The following HIVEP2 variants were observed in gnomAD, a reference collection of about 807,000 sequenced individuals.
The protein encoded by HIVEP2 is HIVEP zinc finger 2.
HIVEP2 carries 14 observed loss-of-function variants against 180.7 expected under a neutral mutation model. The observed-to-expected ratio is 0.08, with a 90% CI of 0.05 to 0.12. The LOEUF (loss-of-function observed/expected upper bound fraction) is 0.12, where lower values mean the gene tolerates loss of function less well. Ranked by LOEUF, HIVEP2 falls within the 10% of genes least tolerant of loss-of-function variation. The probability of loss-of-function intolerance (pLI) is 1.00; values close to 1 mark genes in which losing one functional copy is unlikely to be tolerated. For missense variants in HIVEP2, 2,579 were observed against 3,008.5 expected (o/e 0.86, Z 3.34); for synonymous variants, 1,184 against 1,136.4 (o/e 1.04, Z -0.84).
chr6:142,920,860 G>A (rs965369479), intron 1 of HIVEP2, among the ~76,000 whole-genome samples: 3 of 152,124 alleles, frequency 2.0e-5, no homozygotes, highest in Admixed American at 6.6e-5. Context: ...GCACATGCCT[G>A]TAGTCCCAGC....
intron 3 of HIVEP2, among the ~76,000 whole-genome samples, chr6:142,781,988 C>T (rs887046594): frequency 6.6e-6 from 1 of 152,160 alleles, no homozygotes; most frequent in African/African-American, 2.4e-5. Context: ...TTAATCATTA[C>T]TTGAGTGGTG....
Position 142,827,979 on chromosome 6 carries a change from C to T in HIVEP2, c.-528+8956G>A, listed in dbSNP as rs562822458. On this transcript the variant is annotated intron_variant, in intron 2 of 9. Transcript: ENST00000367603. ...TAAGTAATAACCTTTAGAATGTTTT[C>T]ATCCTGTGTTTGCTGTGTTTTCAGC... is the stretch of plus-strand genomic sequence containing the variant. Among the ~76,000 whole-genome samples the T allele has an allele frequency of 4.6e-4, 70 of 152,304 alleles. No individual in the cohort carries two copies. In the South Asian group the frequency reaches 0.013, roughly 28 times the overall value.
chr6:142,891,045 G>T (rs2128420884), intron 1 of HIVEP2, among the ~76,000 whole-genome samples: 1 of 152,248 alleles, frequency 6.6e-6, no homozygotes, highest in South Asian at 2.1e-4. Context: ...TAAAGATAGG[G>T]TCTGCAGTTT....
At chr6:142,940,741 G>C (rs1778157306) in intron 1 of HIVEP2, among the ~76,000 whole-genome samples, 1 of 152,188 alleles carries the variant, frequency 6.6e-6, no homozygotes, top group Admixed American at 6.5e-5. Context: ...AGAGTGAATT[G>C]CATTGACCAG....
chr6:142,773,486 G>C lies in HIVEP2; in HGVS notation c.1253C>G (p.Ala418Gly). Reference protein sequence around the residue: ...EQQISPPNTNAKSYEEIIFGK... With the variant: ...EQQISPPNTNGKSYEEIIFGK... ...AAAGATGATTTCTTCATAAGACTTT[G>C]CATTTGTGTTGGGAGGGCTTATTTG... is the stretch of plus-strand genomic sequence containing the variant. Residue 418 changes from alanine (A) to glycine (G), a missense_variant, in exon 5 of 10, where the codon GCA becomes GGA. This residue lies in a region of HIVEP2 where 47 missense variants were observed against 92.5 expected (regional missense o/e 0.51). Coordinates refer to ENST00000367603, the MANE Select transcript of HIVEP2 (RefSeq NM_006734.4). 8 of 1,614,218 alleles carry C rather than the reference G, an allele frequency of 5.0e-6. No individual in the cohort carries two copies. Among genetic ancestry groups the C allele is most frequent in the Non-Finnish European group, 6.8e-6 (8 of 1,180,032 alleles).
chr6:142,915,565 A>G (rs1012167036), intron 1 of HIVEP2, among the ~76,000 whole-genome samples: 1 of 152,152 alleles, frequency 6.6e-6, no homozygotes, highest in Non-Finnish European at 1.5e-5. Context: ...GGACTTTATC[A>G]CAGCAGCCCT....
chr6:142,894,291 C>T (rs1180364691), intron 1 of HIVEP2, among the ~76,000 whole-genome samples: 4 of 152,160 alleles, frequency 2.6e-5, no homozygotes, highest in East Asian at 1.9e-4. Flanking sequence ...CTTTCAGGTA[C>T]TATCTTTTAC....
chr6:142,870,385 A>G (rs939865032), intron 1 of HIVEP2, among the ~76,000 whole-genome samples: 1 of 152,304 alleles, frequency 6.6e-6, no homozygotes, highest in African/African-American at 2.4e-5. Flanking sequence ...ATCAATGTAC[A>G]TGAAAGAACT....
chr6:142,828,595 C>T (rs6908012), intron 2 of HIVEP2, among the ~76,000 whole-genome samples: 2,845 of 152,124 alleles, frequency 0.019, 93 homozygotes, highest in African/African-American at 0.062. Context: ...TGCCACCATG[C>T]TTGGCTAATT....
chr6:142,815,714 A>C (rs533534181), intron 2 of HIVEP2, among the ~76,000 whole-genome samples: 1 of 152,346 alleles, frequency 6.6e-6, no homozygotes, highest in South Asian at 2.1e-4. Context: ...CATTGTGCTA[A>C]GCGTTTCACA....
In HIVEP2 at chr6:142,770,475, G is replaced by A. The variant is rs752207024; in HGVS notation, c.4264C>T (p.Pro1422Ser). The A allele has an allele frequency of 1.1e-5, 17 of 1,614,024 alleles. No homozygotes were observed. Among genetic ancestry groups the A allele is most frequent in the African/African-American group, 4.0e-5 (3 of 74,906 alleles). ...TCAGAGGTGGAAGGTAAACACAAGG[G>A]GATGGAGGATTCTAAGCCGAGGGGC... ...TLPLGLESSI[P>S]LCLPSTSDSV... is the part of the protein sequence containing the mutation. Residue 1422 changes from proline to serine, a missense_variant, in exon 5 of 10, where the codon CCC (proline) becomes TCC (serine). This residue lies in a region of HIVEP2 where 523 missense variants were observed against 577.0 expected (regional missense o/e 0.91). Transcript: ENST00000367603. The surrounding 1 kb of genome is among the most constrained non-coding windows in gnomAD (Gnocchi z 4.7).
chr6:142,942,662 C>T (rs1778208777), intron 1 of HIVEP2, among the ~76,000 whole-genome samples: 1 of 152,042 alleles, frequency 6.6e-6, no homozygotes, highest in Middle Eastern at 3.4e-3. Flanking sequence ...GGTATTTTAC[C>T]AAACACCTCT....
chr6:142,942,069 C>A (rs1778191626), intron 1 of HIVEP2, among the ~76,000 whole-genome samples: 1 of 152,154 alleles, frequency 6.6e-6, no homozygotes, highest in Non-Finnish European at 1.5e-5. Flanking sequence ...TACTTTACAT[C>A]CTCATGGATT....
chr6:142,807,214 A>G (rs181992702), intron 2 of HIVEP2, among the ~76,000 whole-genome samples: 131 of 152,294 alleles, frequency 8.6e-4, no homozygotes, highest in African/African-American at 3.1e-3. Flanking sequence ...AGTTCTGAGT[A>G]GAGGACCTAG....
chr6:142,798,661 A>C (rs1419787483), intron 2 of HIVEP2, among the ~76,000 whole-genome samples: 2 of 152,152 alleles, frequency 1.3e-5, no homozygotes, highest in Non-Finnish European at 2.9e-5. Flanking sequence ...CTTAGGGACA[A>C]GGATGACCTC....
At chr6:142,854,909 A>C (rs1775778717) in intron 1 of HIVEP2, among the ~76,000 whole-genome samples, 1 of 152,226 alleles carries the variant, frequency 6.6e-6, no homozygotes, top group Non-Finnish European at 1.5e-5. Flanking sequence ...AAGCAGGCAC[A>C]GCTTTCAGGT....
chr6:142,931,361 A>G (rs1218738845), intron 1 of HIVEP2, among the ~76,000 whole-genome samples: 1 of 151,938 alleles, frequency 6.6e-6, no homozygotes, highest in Non-Finnish European at 1.5e-5. Flanking sequence ...AATATTCTGT[A>G]TCCCCATTTT....
intron 1 of HIVEP2, among the ~76,000 whole-genome samples, chr6:142,901,842 T>C (rs1169176990): frequency 1.3e-5 from 2 of 152,142 alleles, no homozygotes; most frequent in Non-Finnish European, 2.9e-5. Context: ...CAAAACTGAA[T>C]CTATCGGTTT....
chr6:142,849,157 G>T (rs889414777), intron 1 of HIVEP2, among the ~76,000 whole-genome samples: 1 of 152,150 alleles, frequency 6.6e-6, no homozygotes, highest in Non-Finnish European at 1.5e-5. Context: ...TGTGTTTTAT[G>T]ATCTTAGAGA....
Sources: gnomAD v4.1 joint callset for allele counts (sites outside exome capture counted in the v4.1 genomes callset) on GRCh38, gnomAD v4.1.1 for gene constraint, gnomAD v4.1.1 regional missense constraint, Gnocchi (gnomAD v3.1) non-coding constraint, MANE v1.5 for transcripts, NCBI Gene and HGNC (gene_info 2026-07-23, HGNC 2026-07-21) for gene names.